Variants in SLC25A51 observed in about 807,000 individuals in gnomAD.
SLC25A51 encodes mitochondrial nicotinamide adenine dinucleotide transporter SLC25A51.
In SLC25A51, 11 loss-of-function variants were observed where a neutral mutation model predicts 19.1. The ratio of observed to expected loss-of-function variants is 0.58; its 90% CI spans 0.36 to 0.96. The LOEUF (loss-of-function observed/expected upper bound fraction) is 0.96, where lower values mean the gene tolerates loss of function less well. SLC25A51 is among the 40% of genes least tolerant of loss of function. The probability of loss-of-function intolerance (pLI) is 0.01; values close to 1 mark genes in which losing one functional copy is unlikely to be tolerated. For synonymous variants in SLC25A51, 105 were observed against 133.6 expected, an observed-to-expected ratio of 0.79 and a Z score of 1.47; for missense variants, 201 against 365.4, an observed-to-expected ratio of 0.55 and a Z score of 3.67.
intron 1 of SLC25A51, among the ~76,000 whole-genome samples, chr9:37,901,641 A>G (rs1296756554): frequency 6.6e-6 from 1 of 152,156 alleles, no homozygotes; most frequent in Non-Finnish European, 1.5e-5. Flanking sequence ...CAGTGAGTCT[A>G]GTGTTGTTAT....
intron 2 of SLC25A51, among the ~76,000 whole-genome samples, chr9:37,889,725 A>G (rs1050125388): frequency 6.7e-6 from 1 of 148,334 alleles, no homozygotes; most frequent in African/African-American, 2.5e-5. Flanking sequence ...CTGGGATAAG[A>G]GGTGGCTATA....
Position 37,887,929 on chromosome 9 carries a change from T to C in SLC25A51, c.622A>G (p.Ser208Gly), listed in dbSNP as rs1440853584. Reference sequence around the variant, plus strand: ...ATAAAATCATTGACCAGATGAGCACTGTGAGTCGTTGCGGTAGGCAGATGC... The same window carrying C: ...ATAAAATCATTGACCAGATGAGCACCGTGAGTCGTTGCGGTAGGCAGATGC... ...KEHLPTATTH[S>G]AHLVNDFICG... The change falls in exon 3 of 3, where the codon AGT (serine) becomes GGT (glycine). Residue 208 changes from serine (S) to glycine (G), a missense_variant. Transcript: ENST00000242275. 1.2e-6 allele frequency: 2 copies of C among 1,612,010 alleles called. No individual in the cohort carries two copies. The highest frequency in any genetic ancestry group is 1.7e-5 in the Admixed American group (1 of 60,008).
rs373004614 is a variant in SLC25A51, at chr9:37,888,006, C to T, written c.545G>A (p.Arg182Gln). ...YYRGLVPILF[R>Q]NGLSNVLFFG... ...AAACAAGACATTGCTGAGTCCATTC[C>T]GGAAAAGAATGGGCACCAAGCCTCG... Residue 182 changes from arginine to glutamine, a missense_variant, in exon 3 of 3, where the codon CGG becomes CAG. Coordinates refer to ENST00000242275, the MANE Select transcript of SLC25A51 (RefSeq NM_033412.4). The T allele has an allele frequency of 1.9e-6, 3 of 1,612,260 alleles. No individual in the cohort carries two copies. Among genetic ancestry groups the T allele is most frequent in the Non-Finnish European group, 2.5e-6 (3 of 1,179,850 alleles).
chr9:37,889,960 G>T (rs1831542731), intron 2 of SLC25A51, among the ~76,000 whole-genome samples: 2 of 151,714 alleles, frequency 1.3e-5, no homozygotes, highest in South Asian at 4.2e-4. Context: ...ACTGTATATT[G>T]TATCTTAGAT....
At chr9:37,895,574 G>A (rs1430911796) in intron 2 of SLC25A51, among the ~76,000 whole-genome samples, 2 of 151,944 alleles carry the variant, frequency 1.3e-5, no homozygotes, top group Non-Finnish European at 2.9e-5. Flanking sequence ...TTTCATATAT[G>A]TTGCCCATTT....
At chr9:37,893,866 C>T (rs983880401) in intron 2 of SLC25A51, among the ~76,000 whole-genome samples, 6 of 152,196 alleles carry the variant, frequency 3.9e-5, no homozygotes, top group Non-Finnish European at 7.4e-5. Flanking sequence ...TCCAGGCTCA[C>T]TGGCCTACTC....
chr9:37,896,066 G>A (rs1033664276), intron 2 of SLC25A51, among the ~76,000 whole-genome samples: 6 of 151,966 alleles, frequency 3.9e-5, no homozygotes, highest in Admixed American at 6.6e-5. Context: ...TGCCTGCCTC[G>A]GCTTCCCAAA....
At chr9:37,882,193 T>G (rs1831362250) in intron 2 of SLC25A51, among the ~76,000 whole-genome samples, 1 of 152,192 alleles carries the variant, frequency 6.6e-6, no homozygotes, top group South Asian at 2.1e-4. Flanking sequence ...CATTTGCACA[T>G]GAGAAAAGAA....
Position 37,887,948 on chromosome 9 carries a change from C to T in SLC25A51, c.603G>A (p.Leu201=). ...FGLRGPIKEH[L]PTATTHSAHL... The stretch of plus-strand genomic sequence containing the variant: ...GAGCACTGTGAGTCGTTGCGGTAGG[C>T]AGATGCTCCTTAATGGGACCTCGAA... The change falls in exon 3 of 3, where the codon CTG becomes CTA. Residue 201 remains leucine, a synonymous_variant. Transcript: ENST00000242275. 1 of 1,611,978 alleles carries T rather than the reference C, an allele frequency of 6.2e-7. No individual in the cohort carries two copies.
downstream of SLC25A51, chr9:37,879,050 G>A: frequency 5.8e-6 from 2 of 346,118 alleles, no homozygotes; most frequent in East Asian, 9.1e-5. Context: ...GTATTGATGG[G>A]TTCTACTTCT....
At chr9:37,893,090 C>T (rs534312596) in intron 2 of SLC25A51, among the ~76,000 whole-genome samples, 5 of 152,194 alleles carry the variant, frequency 3.3e-5, no homozygotes, top group Non-Finnish European at 7.4e-5. Flanking sequence ...GTTGCCCAGG[C>T]TGGTCTTGAG....
exon 4 of SLC25A51, chr9:37,879,682 C>T (rs1487690341): frequency 6.6e-6 from 1 of 152,168 alleles, no homozygotes; most frequent in Non-Finnish European, 1.5e-5. Flanking sequence ...CATAGAAGAG[C>T]CTGACGGGGG....
downstream of SLC25A51, among the ~76,000 whole-genome samples, chr9:37,883,486 G>T (rs903768853): frequency 7.9e-5 from 12 of 152,360 alleles, no homozygotes; most frequent in African/African-American, 2.9e-4. Context: ...CACTTAGCTT[G>T]TATTTCACAA....
At chr9:37,879,027 G>A, downstream of SLC25A51, 1 of 284,086 alleles carries the variant, frequency 3.5e-6, no homozygotes, top group Non-Finnish European at 7.2e-6. Context: ...CAGAAAGTCA[G>A]TGCAGTGTTA....
At chr9:37,891,341 C>A (rs1247601956) in intron 2 of SLC25A51, among the ~76,000 whole-genome samples, 4 of 152,222 alleles carry the variant, frequency 2.6e-5, no homozygotes, top group Non-Finnish European at 5.9e-5. Flanking sequence ...CCGGCCGCCA[C>A]CCTGTCTGGG....
Position 37,888,054 on chromosome 9 carries a change from C to T in SLC25A51, c.497G>A (p.Cys166Tyr), listed in dbSNP as rs1831501867. 2 of 1,613,554 alleles carry T rather than the reference C, an allele frequency of 1.2e-6. No homozygotes were observed. The highest frequency in any genetic ancestry group is 1.3e-5 in the African/African-American group (1 of 74,900). The change falls in exon 3 of 3, where the codon TGT becomes TAT. Residue 166 changes from cysteine (C) to tyrosine (Y), a missense_variant. Transcript: ENST00000242275. ...TCGATAATACTCTCCAATTCCATGA[C>T]ATTTCAGTGCCTTGAAAGCCTGGTA... ...NTYQAFKALK[C>Y]HGIGEYYRGL...
intron 2 of SLC25A51, among the ~76,000 whole-genome samples, chr9:37,894,773 C>A (rs963747309): frequency 6.6e-6 from 1 of 152,152 alleles, no homozygotes; most frequent in Non-Finnish European, 1.5e-5. Context: ...CCTCCTCCCA[C>A]CCTCCACCCT....
chr9:37,885,648 G>C (rs919009393), downstream of SLC25A51: 3 of 919,752 alleles, frequency 3.3e-6, no homozygotes, highest in Non-Finnish European at 5.4e-6. Context: ...CCTCAGAGAA[G>C]ACTCGGAACC....
rs202180917 is a variant in SLC25A51, at chr9:37,887,738, A to C, written c.813T>G (p.Gly271=). The C allele has an allele frequency of 2.8e-5, 45 of 1,613,890 alleles. 1 individual carries two copies. In the South Asian group the frequency reaches 4.9e-4, roughly 18 times the overall value. The change falls in exon 3 of 3, where the codon GGT becomes GGG. Residue 271 remains glycine (G), a synonymous_variant. Transcript: ENST00000242275. ...GGGACCGATGGTAATTCAGATGGGC[A>C]CCTCTGAAAAGATTTATCAGTTTTC... The part of the protein sequence containing the change: ...RDRKLINLFR[G]AHLNYHRSLI...
Sources: gnomAD v4.1 joint callset for allele counts (sites outside exome capture counted in the v4.1 genomes callset) on GRCh38, gnomAD v4.1.1 for gene constraint, MANE v1.5 for transcripts, NCBI Gene and HGNC (gene_info 2026-07-23, HGNC 2026-07-21) for gene names.